The following IQCM variants were observed in gnomAD, a reference collection of about 807,000 sequenced individuals.
IQCM encodes the protein IQ motif containing M.
In IQCM, 45 loss-of-function variants were observed where a neutral mutation model predicts 57.6. The observed-to-expected ratio is 0.78, with a 90% CI of 0.62 to 1.00. IQCM has a LOEUF of 1.00. IQCM is among the 50% of genes least tolerant of loss of function. The pLI, the probability that IQCM is intolerant of heterozygous loss-of-function variation, is 0.00. For synonymous variants in IQCM, 148 were observed against 158.9 expected, an observed-to-expected ratio of 0.93 and a Z score of 0.51; for missense variants, 468 against 511.6, an observed-to-expected ratio of 0.91 and a Z score of 0.82.
intron 12 of IQCM, among the ~76,000 whole-genome samples, chr4:149,473,892 G>A (rs1186941875): frequency 3.9e-5 from 6 of 152,084 alleles, no homozygotes; most frequent in African/African-American, 7.2e-5. Context: ...ACCAAACACC[G>A]CATGTTCTCA....
At chr4:149,681,559 G>A (rs550345872) in intron 7 of IQCM, among the ~76,000 whole-genome samples, 1 of 151,166 alleles carries the variant, frequency 6.6e-6, no homozygotes, top group South Asian at 2.1e-4. Flanking sequence ...GAGAACCCAA[G>A]GAAGAGTTTA....
chr4:149,530,490 T>C (rs1746619488), intron 12 of IQCM, among the ~76,000 whole-genome samples: 2 of 152,132 alleles, frequency 1.3e-5, no homozygotes, highest in South Asian at 4.1e-4. Context: ...GGATACAGAA[T>C]TGACACATAG....
chr4:149,599,378 CACTA>C (rs1754063081), intron 8 of IQCM, among the ~76,000 whole-genome samples: 1 of 151,938 alleles, frequency 6.6e-6, no homozygotes, highest in South Asian at 2.1e-4. Context: ...GTAAACAAGA[CACTA>C]ACTAGGAATA....
At chr4:149,660,373 C>A (rs1365618731) in intron 7 of IQCM, among the ~76,000 whole-genome samples, 9 of 152,150 alleles carry the variant, frequency 5.9e-5, no homozygotes. Flanking sequence ...AACACTTTTA[C>A]ACTGTTGGTG....
At chr4:149,363,611 G>A (rs751833560) in intron 13 of IQCM, among the ~76,000 whole-genome samples, 1 of 151,894 alleles carries the variant, frequency 6.6e-6, no homozygotes, top group Non-Finnish European at 1.5e-5. Flanking sequence ...CTATCATCCA[G>A]GCAGGAATAA....
chr4:149,682,596 A>G (rs1336437450), intron 6 of IQCM, among the ~76,000 whole-genome samples: 1 of 150,512 alleles, frequency 6.6e-6, no homozygotes, highest in Non-Finnish European at 1.5e-5. Context: ...CAAGTATCAC[A>G]TAGAAACTTT....
intron 2 of IQCM, among the ~76,000 whole-genome samples, chr4:149,768,894 C>T (rs1293723822): frequency 6.6e-6 from 1 of 151,922 alleles, no homozygotes; most frequent in Non-Finnish European, 1.5e-5. Flanking sequence ...TTAACCAGGA[C>T]AATTGAATTC....
At chr4:149,706,010 T>C (rs1764131104) in intron 5 of IQCM, among the ~76,000 whole-genome samples, 1 of 151,982 alleles carries the variant, frequency 6.6e-6, no homozygotes, top group South Asian at 2.1e-4. Flanking sequence ...AGAAGTCATG[T>C]ACAAAATACA....
intron 13 of IQCM, among the ~76,000 whole-genome samples, chr4:149,374,040 A>G (rs1016636447): frequency 6.6e-6 from 1 of 152,180 alleles, no homozygotes; most frequent in Non-Finnish European, 1.5e-5. Context: ...TTGCAGTAGC[A>G]GCAGCAGCGG....
intron 13 of IQCM, among the ~76,000 whole-genome samples, chr4:149,414,643 T>C (rs1226458247): frequency 6.6e-6 from 1 of 152,126 alleles, no homozygotes; most frequent in East Asian, 1.9e-4. Flanking sequence ...GATAATTTTC[T>C]GTATTTTATA....
At chr4:149,513,710 A>C (rs1744654825) in intron 12 of IQCM, among the ~76,000 whole-genome samples, 3 of 152,164 alleles carry the variant, frequency 2.0e-5, no homozygotes. Flanking sequence ...GAGTAAAATG[A>C]ATGTTACCAT....
intron 12 of IQCM, among the ~76,000 whole-genome samples, chr4:149,527,327 A>G (rs900867496): frequency 2.0e-5 from 3 of 152,150 alleles, no homozygotes; most frequent in African/African-American, 7.2e-5. Flanking sequence ...CCTTTCCCCA[A>G]ATTCATATGT....
intron 7 of IQCM, among the ~76,000 whole-genome samples, chr4:149,643,055 A>T: frequency 6.6e-6 from 1 of 152,122 alleles, no homozygotes; most frequent in East Asian, 1.9e-4. Context: ...AAAAAAAATC[A>T]AAACATTATT....
chr4:149,746,156 A>G (rs1419108828), intron 2 of IQCM, among the ~76,000 whole-genome samples: 1 of 152,072 alleles, frequency 6.6e-6, no homozygotes, highest in Admixed American at 6.6e-5. Context: ...GTCCTCATTT[A>G]CTACCCCAAA....
At chr4:149,592,314 T>G (rs1407626590) in intron 8 of IQCM, among the ~76,000 whole-genome samples, 9 of 152,188 alleles carry the variant, frequency 5.9e-5, no homozygotes, top group Non-Finnish European at 4.4e-5. Context: ...TTGATTTTTT[T>G]TCTTGTAAAT....
rs529671656 is a variant in IQCM, at chr4:149,485,372, A to G, written c.1229-51815T>C. On this transcript the variant is annotated intron_variant, in intron 12 of 13. Coordinates refer to ENST00000636793, the MANE Select transcript of IQCM (RefSeq NM_001363507.2). Reference sequence around the variant, plus strand: ...TTGTCCTTTTGAGGCTATTTTCTACATCTCGTAGGTATGCTTTATTGTTTT... The same window carrying G: ...TTGTCCTTTTGAGGCTATTTTCTACGTCTCGTAGGTATGCTTTATTGTTTT... 2.6e-5 allele frequency among the ~76,000 whole-genome samples: 4 copies of G among 151,186 alleles called. No individual in the cohort carries two copies. In the East Asian group the frequency reaches 7.9e-4, roughly 30 times the overall value.
At chr4:149,730,788 T>C (rs1023789123) in intron 5 of IQCM, among the ~76,000 whole-genome samples, 8 of 152,204 alleles carry the variant, frequency 5.3e-5, no homozygotes, top group African/African-American at 1.7e-4. Context: ...ACTATAATTG[T>C]CTATTTATTG....
At chr4:149,784,616 G>A (rs1226320769) in intron 2 of IQCM, among the ~76,000 whole-genome samples, 3 of 152,016 alleles carry the variant, frequency 2.0e-5, no homozygotes, top group Non-Finnish European at 4.4e-5. Flanking sequence ...GGGTTTCACC[G>A]TGTTAGCCAG....
chr4:149,759,043 C>A (rs1769258486), intron 2 of IQCM, among the ~76,000 whole-genome samples: 1 of 152,148 alleles, frequency 6.6e-6, no homozygotes, highest in Admixed American at 6.5e-5. Context: ...ACAGAAGCAA[C>A]CACGATATCC....
Sources: gnomAD v4.1 joint callset for allele counts (sites outside exome capture counted in the v4.1 genomes callset) on GRCh38, gnomAD v4.1.1 for gene constraint, MANE v1.5 for transcripts, NCBI Gene and HGNC (gene_info 2026-07-23, HGNC 2026-07-21) for gene names.